XKR6: variants seen among roughly 807,000 people sequenced by gnomAD.
XKR6 encodes XK-related protein 6.
In XKR6, 22 loss-of-function variants were observed where a neutral mutation model predicts 56.7. The observed-to-expected ratio is 0.39, with a 90% CI of 0.28 to 0.55. The LOEUF (loss-of-function observed/expected upper bound fraction) is 0.55. XKR6 is among the 20% of genes least tolerant of loss of function. The pLI, the probability that XKR6 is intolerant of heterozygous loss-of-function variation, is 0.66. For synonymous variants in XKR6, 524 were observed against 387.8 expected, an observed-to-expected ratio of 1.35 and a Z score of -4.13; for missense variants, 852 against 889.0, an observed-to-expected ratio of 0.96 and a Z score of 0.53.
chr8:11,194,937 C>A, intron 1 of XKR6: 1 of 544,530 alleles, frequency 1.8e-6, no homozygotes, highest in South Asian at 2.6e-5. Context: ...CCAAAGCATG[C>A]CATTTTTTCA....
intron 1 of XKR6, among the ~76,000 whole-genome samples, chr8:11,073,698 C>T (rs879304036): frequency 7.2e-5 from 11 of 152,180 alleles, no homozygotes; most frequent in African/African-American, 1.7e-4. Context: ...CTGCACTGCA[C>T]GTAGTTCAAT....
intron 2 of XKR6, among the ~76,000 whole-genome samples, chr8:10,909,788 C>T (rs936402357): frequency 2.6e-5 from 4 of 152,140 alleles, no homozygotes; most frequent in African/African-American, 4.8e-5. Context: ...TGTTTCAGTG[C>T]GTCAGACATT....
rs1245435718 is a variant in XKR6, at chr8:10,897,652, G to A, written c.*300C>T. ...CCTTCTCCACCCTATGAACCATAGC[G>A]TGGGATTTTTCAATACTGTTTCTTA... On this transcript the variant is annotated 3_prime_UTR_variant, in exon 3 of 3. Coordinates refer to ENST00000416569, the MANE Select transcript of XKR6 (RefSeq NM_173683.4). 2.7e-5 allele frequency: 7 copies of A among 260,798 alleles called. No individual in the cohort carries two copies. The highest frequency in any genetic ancestry group is 7.0e-5 in the East Asian group (1 of 14,256). The allele number at this position is 260,798 out of a possible 1,614,324, so 16.2% of individuals were successfully genotyped here.
At chr8:11,137,736 T>G (rs778615611) in intron 1 of XKR6, 4 of 456,034 alleles carry the variant, frequency 8.8e-6, no homozygotes, top group East Asian at 6.9e-5. Context: ...AGAAAACCAG[T>G]TGGCTCTGAA....
intron 1 of XKR6, chr8:11,105,553 T>A (rs1004838741): frequency 1.3e-5 from 2 of 152,258 alleles, no homozygotes; most frequent in African/African-American, 4.8e-5. Flanking sequence ...ACTGATTCAC[T>A]CCCACTGATG....
intron 1 of XKR6, among the ~76,000 whole-genome samples, chr8:11,156,233 T>C (rs570796436): frequency 1.3e-5 from 2 of 152,320 alleles, no homozygotes; most frequent in South Asian, 4.1e-4. Context: ...GCATAGGCCT[T>C]TGTCGGTTTT....
chr8:11,086,133 A>AATATATATATATATATAT (rs138365092), intron 1 of XKR6, among the ~76,000 whole-genome samples: 1 of 90,104 alleles, frequency 1.1e-5, no homozygotes, highest in African/African-American at 5.7e-5. Context: ...TTAAAAAGAA[A>AATATATATATATATATAT]ATATATATAT....
intron 2 of XKR6, among the ~76,000 whole-genome samples, chr8:10,910,490 G>A (rs1393064430): frequency 1.3e-5 from 2 of 152,104 alleles, no homozygotes; most frequent in Non-Finnish European, 2.9e-5. Context: ...CCTAAAGAAA[G>A]AGCCACCACC....
At chr8:10,986,835 G>A (rs1797874686) in intron 1 of XKR6, among the ~76,000 whole-genome samples, 1 of 151,502 alleles carries the variant, frequency 6.6e-6, no homozygotes, top group Non-Finnish European at 1.5e-5. Context: ...CCAGGCTGGA[G>A]TGCAAACATA....
chr8:11,186,984 T>C (rs1803308463), intron 1 of XKR6, among the ~76,000 whole-genome samples: 1 of 152,218 alleles, frequency 6.6e-6, no homozygotes, highest in Non-Finnish European at 1.5e-5. Flanking sequence ...AAAAAAACCA[T>C]GAAAACAGAT....
At chr8:10,951,912 G>A (rs1801736167) in intron 1 of XKR6, among the ~76,000 whole-genome samples, 1 of 152,184 alleles carries the variant, frequency 6.6e-6, no homozygotes, top group African/African-American at 2.4e-5. Context: ...AGAAGGGCTG[G>A]GCTGAGTGGG....
chr8:11,095,481 T>C (rs1798239349), intron 1 of XKR6, among the ~76,000 whole-genome samples: 2 of 152,222 alleles, frequency 1.3e-5, no homozygotes, highest in African/African-American at 4.8e-5. Flanking sequence ...GTGAGACTGG[T>C]GCTTTTAGGC....
intron 1 of XKR6, among the ~76,000 whole-genome samples, chr8:11,139,650 C>T (rs374579356): frequency 6.6e-6 from 1 of 151,996 alleles, no homozygotes. Context: ...CAAAAAGGAG[C>T]AAAACAGGGA....
chr8:11,060,614 G>C (rs572868739), intron 1 of XKR6, among the ~76,000 whole-genome samples: 1 of 152,334 alleles, frequency 6.6e-6, no homozygotes, highest in African/African-American at 2.4e-5. Flanking sequence ...ACAAAGAGGA[G>C]GTTACACTTC....
chr8:10,931,544 T>C (rs554877160), intron 1 of XKR6, among the ~76,000 whole-genome samples: 1 of 152,288 alleles, frequency 6.6e-6, no homozygotes, highest in East Asian at 1.9e-4. Context: ...AGTGTAGCAT[T>C]GGCCAAGAGA....
At chr8:10,907,211 GA>G (rs1800210437) in intron 2 of XKR6, among the ~76,000 whole-genome samples, 1 of 152,180 alleles carries the variant, frequency 6.6e-6, no homozygotes, top group South Asian at 2.1e-4. Context: ...GGAGGATTTG[GA>G]TATCTCAGGA....
Position 10,898,355 on chromosome 8 carries a change from A to C in XKR6, c.1523T>G (p.Leu508Arg), listed in dbSNP as rs765456060. 1 of 1,614,010 alleles carries C rather than the reference A, an allele frequency of 6.2e-7. No individual in the cohort carries two copies. The highest frequency in any genetic ancestry group is 8.5e-7 in the Non-Finnish European group (1 of 1,179,924). ...LHPTGPRAKI[L>R]ASSCCAELLW... ...CAGCTCGGCACAACAGGAGCTGGCA[A>C]GGATCTTAGCTCGTGGTCCTGTGGG... Residue 508 changes from leucine to arginine, a missense_variant, in exon 3 of 3, where the codon CTT (leucine) becomes CGT (arginine). Transcript: ENST00000416569. This position sits in a 1 kb window ranked among gnomAD's most constrained non-coding sequence, Gnocchi z 6.6.
chr8:11,108,582 C>T (rs1281307805), intron 1 of XKR6: 1 of 333,494 alleles, frequency 3.0e-6, no homozygotes, highest in Non-Finnish European at 5.8e-6. Flanking sequence ...CTATTTCTAT[C>T]ACCCGTGCTT....
intron 2 of XKR6, among the ~76,000 whole-genome samples, chr8:10,920,100 C>T (rs553008551): frequency 6.6e-6 from 1 of 152,190 alleles, no homozygotes; most frequent in African/African-American, 2.4e-5. Flanking sequence ...CCATGCAAAA[C>T]TCACCTATTA....
Sources: allele counts gnomAD v4.1 joint callset (sites outside exome capture counted in the v4.1 genomes callset), GRCh38; gene constraint gnomAD v4.1.1; non-coding constraint Gnocchi (gnomAD v3.1); transcripts MANE v1.5; gene names NCBI Gene and HGNC (gene_info 2026-07-23, HGNC 2026-07-21).